The following CDH12 variants were observed in gnomAD, a reference collection of about 807,000 sequenced individuals.
CDH12 encodes cadherin-12.
A neutral mutation model predicts 74.1 loss-of-function variants in CDH12; 41 were observed. The observed-to-expected ratio is 0.55, with a 90% CI of 0.43 to 0.72. CDH12 has a LOEUF of 0.72. Ranked by LOEUF, CDH12 falls within the 30% of genes least tolerant of loss-of-function variation. The pLI is 0.00. For synonymous variants in CDH12, 399 were observed against 355.0 expected, an observed-to-expected ratio of 1.12 and a Z score of -1.39; for missense variants, 945 against 977.2, an observed-to-expected ratio of 0.97 and a Z score of 0.44.
chr5:22,126,283 C>T (rs1364906758), intron 4 of CDH12, among the ~76,000 whole-genome samples: 1 of 152,064 alleles, frequency 6.6e-6, no homozygotes, highest in Non-Finnish European at 1.5e-5. Flanking sequence ...CAAAGGAAAC[C>T]TGGAGTCATC....
intron 6 of CDH12, among the ~76,000 whole-genome samples, chr5:21,955,955 G>T (rs1020295519): frequency 2.0e-5 from 3 of 151,920 alleles, no homozygotes; most frequent in Admixed American, 6.6e-5. Context: ...GGCAAAATAA[G>T]TTAAAATCAA....
intron 6 of CDH12, among the ~76,000 whole-genome samples, chr5:21,952,014 T>C (rs1403694609): frequency 6.6e-6 from 1 of 152,132 alleles, no homozygotes; most frequent in African/African-American, 2.4e-5. Context: ...AGCATTCAGG[T>C]CCACAATGCC....
At chr5:22,170,699 T>C (rs982409041) in intron 4 of CDH12, among the ~76,000 whole-genome samples, 4 of 151,840 alleles carry the variant, frequency 2.6e-5, no homozygotes, top group Non-Finnish European at 5.9e-5. Context: ...AAGTAATATG[T>C]CTCAGTTAAC....
intron 2 of CDH12, among the ~76,000 whole-genome samples, chr5:22,468,296 A>C (rs754774787): frequency 1.3e-5 from 2 of 152,226 alleles, no homozygotes; most frequent in Non-Finnish European, 2.9e-5. Flanking sequence ...TGACTCTCCA[A>C]CATATCTTTA....
chr5:22,751,854 T>C (rs1458558168), intron 1 of CDH12, among the ~76,000 whole-genome samples: 1 of 152,214 alleles, frequency 6.6e-6, no homozygotes, highest in Non-Finnish European at 1.5e-5. Flanking sequence ...TAAAGTGTCA[T>C]TATATGAATA....
At chr5:22,028,423 C>CA (rs1162025170) in intron 5 of CDH12, among the ~76,000 whole-genome samples, 1 of 152,074 alleles carries the variant, frequency 6.6e-6, no homozygotes, top group East Asian at 1.9e-4. Context: ...TCTCAGGATA[C>CA]AAAATCAATG....
At chr5:22,820,202 A>C (rs1455186365) in intron 1 of CDH12, among the ~76,000 whole-genome samples, 1 of 151,918 alleles carries the variant, frequency 6.6e-6, no homozygotes, top group East Asian at 1.9e-4. Context: ...GGAGTTCCAG[A>C]AATTAATGGG....
intron 1 of CDH12, among the ~76,000 whole-genome samples, chr5:22,519,144 G>C (rs1403350181): frequency 6.6e-6 from 1 of 152,130 alleles, no homozygotes; most frequent in African/African-American, 2.4e-5. Context: ...GGTACTGTGA[G>C]TCTTAGTTTG....
At chr5:22,590,230 C>T (rs1402130717) in intron 1 of CDH12, among the ~76,000 whole-genome samples, 1 of 152,062 alleles carries the variant, frequency 6.6e-6, no homozygotes, top group Non-Finnish European at 1.5e-5. Flanking sequence ...GTTAAATATG[C>T]ACTCTTTCTC....
intron 5 of CDH12, among the ~76,000 whole-genome samples, chr5:22,007,384 T>G (rs1299898883): frequency 6.6e-6 from 1 of 152,138 alleles, no homozygotes; most frequent in Non-Finnish European, 1.5e-5. Context: ...TTAATTAGCT[T>G]GATTTAGCCA....
chr5:22,742,131 GAGAT>G (rs1745057620), intron 1 of CDH12, among the ~76,000 whole-genome samples: 1 of 151,734 alleles, frequency 6.6e-6, no homozygotes, highest in South Asian at 2.1e-4. Flanking sequence ...GCAGTGAGCT[GAGAT>G]TGTGCCACTG....
intron 3 of CDH12, among the ~76,000 whole-genome samples, chr5:22,290,752 C>T (rs962211419): frequency 1.3e-5 from 2 of 151,960 alleles, no homozygotes; most frequent in African/African-American, 4.8e-5. Flanking sequence ...CAATTAGACA[C>T]AAACTAATTG....
chr5:22,386,334 T>C (rs1435139472), intron 3 of CDH12, among the ~76,000 whole-genome samples: 1 of 152,168 alleles, frequency 6.6e-6, no homozygotes, highest in Non-Finnish European at 1.5e-5. Flanking sequence ...TGAGATTTGG[T>C]CAGAGACACA....
At chr5:22,744,737 T>C (rs1745207811) in intron 1 of CDH12, among the ~76,000 whole-genome samples, 1 of 152,122 alleles carries the variant, frequency 6.6e-6, no homozygotes, top group African/African-American at 2.4e-5. Flanking sequence ...TTTTGCTTTT[T>C]TCAAATAATC....
At chr5:22,641,836 A>T (rs1168786870) in intron 1 of CDH12, among the ~76,000 whole-genome samples, 2 of 152,150 alleles carry the variant, frequency 1.3e-5, no homozygotes, top group African/African-American at 4.8e-5. Context: ...AGGCTTCTTT[A>T]TTGCTATATT....
chr5:22,300,255 T>C (rs1029365740), intron 3 of CDH12, among the ~76,000 whole-genome samples: 1 of 152,184 alleles, frequency 6.6e-6, no homozygotes, highest in Non-Finnish European at 1.5e-5. Flanking sequence ...ACTTCGGCTT[T>C]GTAAAAGCTA....
chr5:22,083,966 C>T (rs1029632195), intron 4 of CDH12, among the ~76,000 whole-genome samples: 29 of 152,224 alleles, frequency 1.9e-4, no homozygotes, highest in African/African-American at 6.5e-4. Flanking sequence ...GAGATTTAAG[C>T]TATCAGGTCA....
intron 6 of CDH12, among the ~76,000 whole-genome samples, chr5:21,958,633 A>T (rs1271887870): frequency 2.0e-5 from 3 of 151,930 alleles, no homozygotes; most frequent in Admixed American, 6.6e-5. Flanking sequence ...TGGGTTCTTT[A>T]TTCTGTTCTA....
At chr5:21,891,572 T>TACGCACAC (rs1752900229) in intron 6 of CDH12, among the ~76,000 whole-genome samples, 2 of 145,060 alleles carry the variant, frequency 1.4e-5, no homozygotes, top group Non-Finnish European at 3.0e-5. Flanking sequence ...CACACACACA[T>TACGCACAC]ACACACACAC....
Sources: allele counts gnomAD v4.1 joint callset (sites outside exome capture counted in the v4.1 genomes callset), GRCh38; gene constraint gnomAD v4.1.1; transcripts MANE v1.5; gene names NCBI Gene and HGNC (gene_info 2026-07-23, HGNC 2026-07-21).